The following TSGA10 variants were observed in gnomAD, a reference collection of about 807,000 sequenced individuals.
The protein encoded by TSGA10 is testis-specific gene 10 protein.
In TSGA10, 43 loss-of-function variants were observed where a neutral mutation model predicts 96.6. The ratio of observed to expected loss-of-function variants is 0.44; its 90% CI spans 0.35 to 0.57. TSGA10 has a LOEUF of 0.57. Among genes scored for constraint, TSGA10 ranks in the 20% least tolerant of loss-of-function variants. The pLI, the probability that TSGA10 is intolerant of heterozygous loss-of-function variation, is 0.01. For synonymous variants in TSGA10, 229 were observed against 269.9 expected, an observed-to-expected ratio of 0.85 and a Z score of 1.48; for missense variants, 703 against 834.4, an observed-to-expected ratio of 0.84 and a Z score of 1.94.
chr2:99,128,492 A>C (rs901017111), intron 1 of TSGA10, among the ~76,000 whole-genome samples: 3 of 152,236 alleles, frequency 2.0e-5, no homozygotes, highest in Non-Finnish European at 4.4e-5. Flanking sequence ...TACTGAATTT[A>C]AGAATCATCT....
chr2:99,128,532 T>C (rs1213186859), intron 1 of TSGA10, among the ~76,000 whole-genome samples: 1 of 152,218 alleles, frequency 6.6e-6, no homozygotes, highest in Non-Finnish European at 1.5e-5. Flanking sequence ...AGATTCTTAT[T>C]TACAGGCTGA....
At chr2:99,113,038 A>G (rs964283659) in intron 4 of TSGA10, among the ~76,000 whole-genome samples, 1 of 151,832 alleles carries the variant, frequency 6.6e-6, no homozygotes. Context: ...ATAGGAAGAA[A>G]TAATGGTAAA....
chr2:99,118,400 C>T (rs752249043), intron 3 of TSGA10, among the ~76,000 whole-genome samples, 151 bp downstream of exon 3: 133 of 148,254 alleles, frequency 9.0e-4, no homozygotes, highest in Non-Finnish European at 1.6e-3. Flanking sequence ...GCACTGAGCC[C>T]AGATCCTGCC....
chr2:99,067,626 G>A (rs1439333736), intron 15 of TSGA10, among the ~76,000 whole-genome samples: 8 of 152,156 alleles, frequency 5.3e-5, no homozygotes, highest in Non-Finnish European at 1.0e-4. Flanking sequence ...GCCGAGACAG[G>A]TGGATCACTT....
chr2:99,129,435 G>A (rs4851188), intron 1 of TSGA10, among the ~76,000 whole-genome samples: 79,209 of 152,062 alleles, frequency 0.52, 22,135 homozygotes, highest in Middle Eastern at 0.7. Flanking sequence ...TTGGTAAACC[G>A]AATAAAGTGG....
intron 17 of TSGA10, among the ~76,000 whole-genome samples, chr2:99,025,893 G>GA (rs1362483530): frequency 6.6e-6 from 1 of 152,004 alleles, no homozygotes; most frequent in Non-Finnish European, 1.5e-5. Flanking sequence ...ATATACTTGT[G>GA]AATTTACAAA....
At chr2:99,109,257 G>C in intron 6 of TSGA10, 132 bp downstream of exon 6, 2 of 977,336 alleles carry the variant, frequency 2.0e-6, no homozygotes, top group Non-Finnish European at 3.1e-6. Flanking sequence ...AGAGACCTCT[G>C]TCTCTCAACC....
At chr2:99,029,513 A>G (rs1035847941) in intron 17 of TSGA10, among the ~76,000 whole-genome samples, 2 of 152,202 alleles carry the variant, frequency 1.3e-5, no homozygotes, top group Admixed American at 1.3e-4. Flanking sequence ...AGGTGGCAAT[A>G]TAGATATTTT....
intron 14 of TSGA10, among the ~76,000 whole-genome samples, chr2:99,069,662 T>TAAATAAATA (rs1259272227): frequency 1.3e-5 from 2 of 149,496 alleles, no homozygotes; most frequent in South Asian, 4.2e-4. Context: ...AATAAATAAA[T>TAAATAAATA]AATAATTAAA....
intron 16 of TSGA10, among the ~76,000 whole-genome samples, chr2:99,042,327 G>A (rs1191560647): frequency 3.3e-5 from 5 of 152,126 alleles, no homozygotes; most frequent in Non-Finnish European, 7.3e-5. Flanking sequence ...GGTGCATTTT[G>A]TTGGCCCTGG....
At chr2:99,107,620 G>A (rs2091465879) in intron 7 of TSGA10, among the ~76,000 whole-genome samples, 1 of 152,088 alleles carries the variant, frequency 6.6e-6, no homozygotes, top group Non-Finnish European at 1.5e-5. Context: ...AAATATTTTT[G>A]CATTTTTAAA....
At chr2:99,077,260 C>T (rs956084248) in intron 12 of TSGA10, among the ~76,000 whole-genome samples, 6 of 150,618 alleles carry the variant, frequency 4.0e-5, no homozygotes, top group African/African-American at 1.5e-4. Flanking sequence ...CCTGCCTCAG[C>T]CTCCCAAGTA....
intron 1 of TSGA10, among the ~76,000 whole-genome samples, chr2:99,132,955 G>A (rs1047261177): frequency 3.3e-5 from 5 of 152,176 alleles, no homozygotes; most frequent in South Asian, 2.1e-4. Context: ...TGTGGTCTGC[G>A]AGACTGTTAT....
intron 10 of TSGA10, among the ~76,000 whole-genome samples, chr2:99,094,796 T>C (rs1214870812): frequency 6.6e-6 from 1 of 152,220 alleles, no homozygotes; most frequent in Non-Finnish European, 1.5e-5. Flanking sequence ...ACTTTTACAC[T>C]GCTGGTGGGA....
chr2:99,020,763 C>A (rs1310148258), intron 17 of TSGA10, among the ~76,000 whole-genome samples: 1 of 151,576 alleles, frequency 6.6e-6, no homozygotes, highest in Non-Finnish European at 1.5e-5. Context: ...TTTGATATTT[C>A]TTTATATACT....
At chr2:99,077,916 T>A (rs2086925208) in intron 12 of TSGA10, among the ~76,000 whole-genome samples, 1 of 152,018 alleles carries the variant, frequency 6.6e-6, no homozygotes. Flanking sequence ...ATGGAGGTTA[T>A]CATCCAGCTT....
At chr2:99,014,896 T>C (rs986828534) in intron 20 of TSGA10, among the ~76,000 whole-genome samples, 1 of 152,096 alleles carries the variant, frequency 6.6e-6, no homozygotes, top group Non-Finnish European at 1.5e-5. Context: ...CTAGAGGAGA[T>C]GGATAAATTC....
chr2:99,037,408 G>C (rs1377943306), intron 16 of TSGA10, among the ~76,000 whole-genome samples: 5 of 151,938 alleles, frequency 3.3e-5, no homozygotes, highest in Admixed American at 3.3e-4. Context: ...ATAGGTCAAA[G>C]AAGAAATCAC....
At chr2:99,024,767 T>A (rs531820149) in intron 17 of TSGA10, among the ~76,000 whole-genome samples, 13 of 152,298 alleles carry the variant, frequency 8.5e-5, no homozygotes, top group South Asian at 8.3e-4. Flanking sequence ...AAGTACAGTG[T>A]TTGCTGTGGG....
Sources: gnomAD v4.1 joint callset for allele counts (sites outside exome capture counted in the v4.1 genomes callset) on GRCh38, gnomAD v4.1.1 for gene constraint, MANE v1.5 for transcripts, NCBI Gene and HGNC (gene_info 2026-07-23, HGNC 2026-07-21) for gene names.